The following SCHIP1 variants were observed in gnomAD, a reference collection of about 807,000 sequenced individuals.
SCHIP1 encodes schwannomin interacting protein 1.
SCHIP1 carries 8 observed loss-of-function variants against 29.7 expected under a neutral mutation model. The ratio of observed to expected loss-of-function variants is 0.27; its 90% CI spans 0.16 to 0.49. SCHIP1 has a LOEUF of 0.49. SCHIP1 is among the 20% of genes least tolerant of loss of function. The probability of loss-of-function intolerance (pLI) is 0.99; values close to 1 mark genes in which losing one functional copy is unlikely to be tolerated. For synonymous variants in SCHIP1, 76 were observed against 94.9 expected (o/e 0.80, Z 1.16); for missense variants, 193 against 294.6 (o/e 0.66, Z 2.52).
chr3:159,409,729 A>T, the SCHIP1 span, among the ~76,000 whole-genome samples: 1 of 152,216 alleles, frequency 6.6e-6, no homozygotes, highest in African/African-American at 2.4e-5. Flanking sequence ...TTACAGATTC[A>T]GTGCCACCTC....
chr3:159,551,789 G>A, the SCHIP1 span, among the ~76,000 whole-genome samples: 1 of 151,938 alleles, frequency 6.6e-6, no homozygotes, highest in African/African-American at 2.4e-5. Flanking sequence ...AAGTAATTAT[G>A]AGATCAAATT....
the SCHIP1 span, among the ~76,000 whole-genome samples, chr3:159,677,392 C>G: frequency 6.6e-6 from 1 of 152,238 alleles, no homozygotes; most frequent in Non-Finnish European, 1.5e-5. Context: ...CACATACATG[C>G]AGACAACGCC....
At chr3:159,832,665 G>A in the SCHIP1 span, among the ~76,000 whole-genome samples, 2 of 152,180 alleles carry the variant, frequency 1.3e-5, no homozygotes, top group African/African-American at 4.8e-5. Flanking sequence ...CGTCCCTGCA[G>A]TATTTGAAGA....
the SCHIP1 span, among the ~76,000 whole-genome samples, chr3:159,569,590 C>T: frequency 2.0e-5 from 3 of 152,092 alleles, no homozygotes; most frequent in Admixed American, 2.0e-4. Flanking sequence ...TGGGTTCGTT[C>T]CAAGTCTTTG....
At chr3:159,853,873 T>C (rs961687122) in intron 1 of SCHIP1, among the ~76,000 whole-genome samples, 1 of 152,252 alleles carries the variant, frequency 6.6e-6, no homozygotes, top group Non-Finnish European at 1.5e-5. Context: ...CAAGTTTTAG[T>C]TAACATGTTT....
the SCHIP1 span, among the ~76,000 whole-genome samples, chr3:159,405,954 C>G: frequency 6.6e-6 from 1 of 150,398 alleles, no homozygotes; most frequent in Non-Finnish European, 1.5e-5. Flanking sequence ...ATAAAACGTG[C>G]CTAAAAAATC....
chr3:159,336,593 A>G, the SCHIP1 span, among the ~76,000 whole-genome samples: 1 of 152,292 alleles, frequency 6.6e-6, no homozygotes. Flanking sequence ...CCATTTATTA[A>G]ATAGGGAATC....
the SCHIP1 span, among the ~76,000 whole-genome samples, chr3:159,632,599 A>G: frequency 6.6e-6 from 1 of 152,126 alleles, no homozygotes; most frequent in Admixed American, 6.5e-5. Context: ...CACAAATGAT[A>G]TTGTAGCCAT....
At chr3:159,810,408 C>T in the SCHIP1 span, among the ~76,000 whole-genome samples, 1 of 152,172 alleles carries the variant, frequency 6.6e-6, no homozygotes, top group Non-Finnish European at 1.5e-5. Flanking sequence ...CAAACATCCC[C>T]ACAACCAAAT....
At chr3:159,591,554 G>A in the SCHIP1 span, among the ~76,000 whole-genome samples, 1 of 152,190 alleles carries the variant, frequency 6.6e-6, no homozygotes. Context: ...TACAGAAAAT[G>A]TGGCACATAT....
At chr3:159,761,943 T>C in the SCHIP1 span, among the ~76,000 whole-genome samples, 1 of 152,182 alleles carries the variant, frequency 6.6e-6, no homozygotes, top group Non-Finnish European at 1.5e-5. Context: ...CAACTCTCTC[T>C]CATCACCCCA....
At chr3:159,716,160 C>T in the SCHIP1 span, among the ~76,000 whole-genome samples, 22 of 152,212 alleles carry the variant, frequency 1.4e-4, no homozygotes, top group African/African-American at 4.1e-4. Context: ...AAGCTTCATA[C>T]GTGAAGGAGA....
the SCHIP1 span, among the ~76,000 whole-genome samples, chr3:159,319,361 G>T: frequency 6.6e-6 from 1 of 152,164 alleles, no homozygotes; most frequent in Non-Finnish European, 1.5e-5. Context: ...TGTAACAAAG[G>T]TTGGGGCATG....
chr3:159,894,206 A>C (rs1345476886), intron 6 of SCHIP1: 1 of 152,174 alleles, frequency 6.6e-6, no homozygotes, highest in Non-Finnish European at 1.5e-5. Flanking sequence ...CTCTGAGATA[A>C]TTCTCACGCA....
chr3:159,806,364 AAC>A, the SCHIP1 span, among the ~76,000 whole-genome samples: 4 of 152,212 alleles, frequency 2.6e-5, no homozygotes, highest in Non-Finnish European at 4.4e-5. Flanking sequence ...TGTGGCAGGT[AAC>A]AGGACTTCTC....
At chr3:159,808,742 T>G in the SCHIP1 span, among the ~76,000 whole-genome samples, 1 of 152,202 alleles carries the variant, frequency 6.6e-6, no homozygotes. Flanking sequence ...AGGGTGTGGC[T>G]GTCTGCAGAC....
the SCHIP1 span, among the ~76,000 whole-genome samples, chr3:159,732,906 G>C: frequency 2.6e-5 from 4 of 152,216 alleles, no homozygotes; most frequent in Non-Finnish European, 4.4e-5. Flanking sequence ...GGCCTGGAAG[G>C]CTGCAGCCTT....
At chr3:159,863,326 G>A (rs189012754) in intron 1 of SCHIP1, among the ~76,000 whole-genome samples, 2 of 150,632 alleles carry the variant, frequency 1.3e-5, no homozygotes, top group East Asian at 3.9e-4. Context: ...GTGACAGAGC[G>A]AGACTCCATC....
At chr3:159,411,315 G>T in the SCHIP1 span, among the ~76,000 whole-genome samples, 1 of 152,076 alleles carries the variant, frequency 6.6e-6, no homozygotes, top group African/African-American at 2.4e-5. Flanking sequence ...AAGGATAAAT[G>T]CTTGATGTGG....
Sources: gnomAD v4.1 joint callset for allele counts (sites outside exome capture counted in the v4.1 genomes callset) on GRCh38, gnomAD v4.1.1 for gene constraint, MANE v1.5 for transcripts, NCBI Gene and HGNC (gene_info 2026-07-23, HGNC 2026-07-21) for gene names.